Variants in NF1 observed in about 807,000 individuals in gnomAD.
NF1 encodes neurofibromin 1, also known as neurofibromin.
In NF1, 122 loss-of-function variants were observed where a neutral mutation model predicts 325.7. That is an observed-to-expected ratio of 0.37 (90% CI 0.32 to 0.44). The LOEUF (loss-of-function observed/expected upper bound fraction) is 0.44, where lower values mean the gene tolerates loss of function less well. Among genes scored for constraint, NF1 ranks in the 20% least tolerant of loss-of-function variants. The pLI is 1.00. For synonymous variants in NF1, 1,091 were observed against 1,186.0 expected, an observed-to-expected ratio of 0.92 and a Z score of 1.65; for missense variants, 2,140 against 3,415.4, an observed-to-expected ratio of 0.63 and a Z score of 9.31.
chr17:31,218,343 C>T (rs1271345626), intron 13 of NF1, among the ~76,000 whole-genome samples: 1 of 152,058 alleles, frequency 6.6e-6, no homozygotes, highest in Non-Finnish European at 1.5e-5. Context: ...GGACATTATT[C>T]ACATTAATGA....
chr17:31,151,510 A>T (rs1916939431), intron 1 of NF1, among the ~76,000 whole-genome samples: 1 of 152,196 alleles, frequency 6.6e-6, no homozygotes, highest in Admixed American at 6.5e-5. Context: ...TGTCATTGCT[A>T]TAAAATTGTC....
intron 17 of NF1, among the ~76,000 whole-genome samples, chr17:31,225,927 A>T (rs1327999378): frequency 6.6e-6 from 1 of 152,204 alleles, no homozygotes; most frequent in Non-Finnish European, 1.5e-5. Flanking sequence ...AGTAATTCAG[A>T]ATCAAATGTA....
At chr17:31,302,415 G>T (rs1433812321) in intron 36 of NF1, among the ~76,000 whole-genome samples, 1 of 152,126 alleles carries the variant, frequency 6.6e-6, no homozygotes, top group Non-Finnish European at 1.5e-5. Context: ...CAGTTATGAT[G>T]ATTTAAGGCA....
intron 4 of NF1, among the ~76,000 whole-genome samples, chr17:31,167,284 G>A (rs1404877375): frequency 1.3e-5 from 2 of 152,146 alleles, no homozygotes; most frequent in Non-Finnish European, 2.9e-5. Context: ...CTCATTCCCA[G>A]CTTGAAATGC....
At chr17:31,174,348 C>A (rs1057101545) in intron 5 of NF1, among the ~76,000 whole-genome samples, 1 of 152,130 alleles carries the variant, frequency 6.6e-6, no homozygotes, top group African/African-American at 2.4e-5. Flanking sequence ...AAGGCACTTT[C>A]GTATGCTGCT....
At chr17:31,222,629 AAAG>A (rs2066945298) in intron 15 of NF1, 1 of 663,142 alleles carries the variant, frequency 1.5e-6, no homozygotes, top group Admixed American at 6.1e-5. Flanking sequence ...TAAAGAGTAA[AAAG>A]AAGCAGGTAA....
chr17:31,177,007 T>A (rs1005415555), intron 5 of NF1, among the ~76,000 whole-genome samples: 4 of 152,208 alleles, frequency 2.6e-5, no homozygotes, highest in African/African-American at 9.6e-5. Context: ...TGGTTTCATA[T>A]GAAATTTAAA....
chr17:31,313,292 A>G lies in NF1; in HGVS notation c.4836-12528A>G, dbSNP rs554947740. Among the ~76,000 whole-genome samples the G allele has an allele frequency of 2.0e-5, 3 of 152,314 alleles. No homozygotes were observed. In the East Asian group the frequency reaches 5.8e-4, roughly 29 times the overall value. ...AAAAAGTACATTAGAACTTTTAACA[A>G]TTAATATTTTGGAGGTTATAAATTC... On this transcript the variant is annotated intron_variant, in intron 36 of 57. Coordinates refer to ENST00000358273, the MANE Select transcript of NF1 (RefSeq NM_001042492.3).
intron 1 of NF1, among the ~76,000 whole-genome samples, chr17:31,108,647 T>C (rs982308247): frequency 6.6e-6 from 1 of 152,212 alleles, no homozygotes; most frequent in African/African-American, 2.4e-5. Flanking sequence ...TCATCCGTAT[T>C]CCTACCCATT....
At chr17:31,135,949 G>A (rs887391317) in intron 1 of NF1, among the ~76,000 whole-genome samples, 1 of 151,780 alleles carries the variant, frequency 6.6e-6, no homozygotes, top group Non-Finnish European at 1.5e-5. Flanking sequence ...ATTTACCTCT[G>A]GGTTCATTTT....
intron 36 of NF1, chr17:31,321,491 C>G (rs760548686): frequency 6.6e-5 from 10 of 152,126 alleles, no homozygotes; most frequent in Non-Finnish European, 1.3e-4. Context: ...TATATATGAC[C>G]TACCTTACAA....
At chr17:31,214,663 G>A (rs2143961972) in intron 13 of NF1, 78 bp downstream of exon 13, 1 of 1,457,354 alleles carries the variant, frequency 6.9e-7, no homozygotes, top group South Asian at 1.2e-5. Flanking sequence ...AAGACCTTGA[G>A]GATAATTTTT....
chr17:31,095,215 C>T lies in NF1; in HGVS notation c.-95C>T, dbSNP rs1911534638. ...TGCACTCCACAGACCCTCTCCTTGC[C>T]TCTTCCCTCACCTCAGCCTCCGCTC... is the stretch of plus-strand genomic sequence containing the variant. On this transcript the variant is annotated 5_prime_UTR_variant, in exon 1 of 58. Transcript: ENST00000358273. 1 of 1,207,438 alleles carries T rather than the reference C, an allele frequency of 8.3e-7. No individual in the cohort carries two copies. The highest frequency in any genetic ancestry group is 1.5e-5 in the African/African-American group (1 of 66,958). 74.8% of individuals were successfully genotyped at this position (1,207,438 alleles called of 1,614,324 possible). A position where few individuals can be genotyped will look rare whatever the true frequency, so the allele number is the denominator to read the frequency against.
At chr17:31,338,417 A>G (rs1297330119) in intron 45 of NF1, among the ~76,000 whole-genome samples, 2 of 152,190 alleles carry the variant, frequency 1.3e-5, no homozygotes, top group African/African-American at 2.4e-5. Context: ...TACACTTAGT[A>G]TTTTACCAGT....
chr17:31,158,945 G>A, intron 2 of NF1, 65 bp from the exon 3 acceptor site: 1 of 923,068 alleles, frequency 1.1e-6, no homozygotes, highest in Non-Finnish European at 1.8e-6. Flanking sequence ...TCACTTTTCA[G>A]ATGTGTGTTG....
chr17:31,181,328 A>G, intron 5 of NF1, 94 bp from the exon 6 acceptor site: 1 of 1,181,070 alleles, frequency 8.5e-7, no homozygotes, highest in Non-Finnish European at 1.2e-6. Context: ...ATATTGGAGC[A>G]AAAGTAATAC....
intron 29 of NF1, among the ~76,000 whole-genome samples, chr17:31,239,653 ATAG>A (rs201396703): frequency 0.018 from 2,710 of 152,230 alleles, 80 homozygotes; most frequent in African/African-American, 0.062. Flanking sequence ...TTGTGGGTAC[ATAG>A]TAGGTGTTTA....
intron 1 of NF1, among the ~76,000 whole-genome samples, chr17:31,108,365 C>T (rs1913078741): frequency 6.7e-6 from 1 of 149,726 alleles, no homozygotes; most frequent in South Asian, 2.1e-4. Flanking sequence ...ACCTCTGCCT[C>T]CCAGGCTCAA....
chr17:31,119,006 A>G (rs1914199790), intron 1 of NF1, among the ~76,000 whole-genome samples: 1 of 149,664 alleles, frequency 6.7e-6, no homozygotes, highest in Non-Finnish European at 1.5e-5. Flanking sequence ...TGGTGGCATG[A>G]TCTTGGCTCA....
Sources: allele counts gnomAD v4.1 joint callset (sites outside exome capture counted in the v4.1 genomes callset), GRCh38; gene constraint gnomAD v4.1.1; transcripts MANE v1.5; gene names NCBI Gene and HGNC (gene_info 2026-07-23, HGNC 2026-07-21).